The following PANK1 variants were observed in gnomAD, a reference collection of about 807,000 sequenced individuals.
PANK1 encodes the protein pantothenate kinase 1, also known as pantothenic acid kinase 1.
In PANK1, 18 loss-of-function variants were observed where a neutral mutation model predicts 40.1. That is an observed-to-expected ratio of 0.45 (90% confidence interval 0.31 to 0.67). The LOEUF (loss-of-function observed/expected upper bound fraction) is 0.67. PANK1 is among the 30% of genes least tolerant of loss of function. The pLI, the probability that PANK1 is intolerant of heterozygous loss-of-function variation, is 0.06. For synonymous variants in PANK1, 242 were observed against 237.7 expected (o/e 1.02, Z -0.17); for missense variants, 457 against 599.6 (o/e 0.76, Z 2.48).
chr10:89,600,961 A>C (rs1001806125), intron 2 of PANK1, among the ~76,000 whole-genome samples: 1 of 152,198 alleles, frequency 6.6e-6, no homozygotes, highest in South Asian at 2.1e-4. Context: ...CTAAAACCCT[A>C]AAAGTTGGTA....
intron 1 of PANK1, among the ~76,000 whole-genome samples, chr10:89,632,095 A>G (rs1411132859): frequency 2.6e-5 from 4 of 152,152 alleles, no homozygotes; most frequent in Admixed American, 2.6e-4. Flanking sequence ...TTTGATAATT[A>G]TAGAAGCTGA....
intron 3 of PANK1, among the ~76,000 whole-genome samples, chr10:89,597,711 T>C (rs1302281687): frequency 6.6e-6 from 1 of 152,222 alleles, no homozygotes; most frequent in Non-Finnish European, 1.5e-5. Context: ...TATAGCTTGC[T>C]GTTACCTTGG....
At chr10:89,587,113 ACT>A (rs1460849173) in intron 6 of PANK1, among the ~76,000 whole-genome samples, 2 of 150,320 alleles carry the variant, frequency 1.3e-5, no homozygotes, top group Non-Finnish European at 3.0e-5. Flanking sequence ...ACAGAGGGAG[ACT>A]CTGTCTCAAA....
downstream of PANK1, chr10:89,582,198 A>C (rs1179092802): frequency 6.6e-6 from 1 of 152,188 alleles, no homozygotes; most frequent in African/African-American, 2.4e-5. Context: ...CTGGACCCAG[A>C]CTGAAGCTGC....
At chr10:89,636,503 G>A (rs991716594) in intron 1 of PANK1, among the ~76,000 whole-genome samples, 1 of 152,052 alleles carries the variant, frequency 6.6e-6, no homozygotes, top group Non-Finnish European at 1.5e-5. Context: ...CCAGGCTGGA[G>A]TGCAGTGGTG....
At chr10:89,634,168 G>A (rs1275632832) in intron 1 of PANK1, among the ~76,000 whole-genome samples, 13 of 152,264 alleles carry the variant, frequency 8.5e-5, no homozygotes, top group Middle Eastern at 6.8e-3. Context: ...AACATTTATT[G>A]AGTGCTTACA....
At chr10:89,588,439 T>A (rs1273313624) in intron 6 of PANK1, among the ~76,000 whole-genome samples, 3 of 152,180 alleles carry the variant, frequency 2.0e-5, no homozygotes, top group Non-Finnish European at 2.9e-5. Context: ...AGTGACTTTT[T>A]AAAAAATTAA....
chr10:89,605,099 A>C (rs1180215557), intron 2 of PANK1, among the ~76,000 whole-genome samples: 2 of 152,066 alleles, frequency 1.3e-5, no homozygotes, highest in Non-Finnish European at 2.9e-5. Context: ...GAATTTTAAA[A>C]TATATTTATT....
chr10:89,602,813 G>C (rs1249407944), intron 2 of PANK1, among the ~76,000 whole-genome samples: 2 of 152,146 alleles, frequency 1.3e-5, no homozygotes, highest in Non-Finnish European at 2.9e-5. Context: ...TTCACCTGCT[G>C]TCCACTGTTG....
At chr10:89,622,270 C>T (rs1845508521) in intron 1 of PANK1, among the ~76,000 whole-genome samples, 1 of 152,166 alleles carries the variant, frequency 6.6e-6, no homozygotes, top group African/African-American at 2.4e-5. Flanking sequence ...TTGAACATTA[C>T]TCTATGAAAA....
intron 2 of PANK1, among the ~76,000 whole-genome samples, chr10:89,607,444 T>A (rs541468679): frequency 6.6e-6 from 1 of 152,112 alleles, no homozygotes; most frequent in Non-Finnish European, 1.5e-5. Flanking sequence ...ACAGATACAA[T>A]AATAATTAAA....
downstream of PANK1, chr10:89,580,556 C>T (rs1260527002): frequency 6.6e-6 from 1 of 152,344 alleles, no homozygotes; most frequent in Non-Finnish European, 1.5e-5. Flanking sequence ...TTCTGCTCAC[C>T]CAGCTCCCTC....
chr10:89,610,804 C>G (rs906731778), intron 2 of PANK1, among the ~76,000 whole-genome samples: 5 of 152,168 alleles, frequency 3.3e-5, no homozygotes, highest in African/African-American at 9.7e-5. Flanking sequence ...AATCTCCCAA[C>G]CCTTCCTTCT....
intron 1 of PANK1, among the ~76,000 whole-genome samples, chr10:89,637,100 C>T (rs1291046577): frequency 6.6e-6 from 1 of 151,772 alleles, no homozygotes; most frequent in African/African-American, 2.4e-5. Context: ...CCTTCTGATC[C>T]ACCAGCCTCG....
chr10:89,612,156 T>C, intron 1 of PANK1, 108 bp from the exon 2 acceptor site: 2 of 881,040 alleles, frequency 2.3e-6, no homozygotes, highest in Non-Finnish European at 3.4e-6. Context: ...TACATGTGCA[T>C]TTAACATTCA....
At chr10:89,594,480 G>T (rs1369279730) in intron 3 of PANK1, among the ~76,000 whole-genome samples, 1 of 152,192 alleles carries the variant, frequency 6.6e-6, no homozygotes, top group Non-Finnish European at 1.5e-5. Context: ...TGACAAAACT[G>T]ACCCAGGATT....
intron 1 of PANK1, among the ~76,000 whole-genome samples, chr10:89,619,491 G>A (rs1288911804): frequency 1.3e-5 from 2 of 152,196 alleles, no homozygotes; most frequent in Non-Finnish European, 2.9e-5. Context: ...TAAACTAAAT[G>A]TAAAATCTGA....
chr10:89,608,457 C>G (rs1845047136), intron 2 of PANK1, among the ~76,000 whole-genome samples: 1 of 152,166 alleles, frequency 6.6e-6, no homozygotes, highest in Admixed American at 6.5e-5. Flanking sequence ...GTATTCTACA[C>G]AGGTCTAATT....
At chr10:89,643,683 T>G in intron 1 of PANK1, 1 of 1,598,844 alleles carries the variant, frequency 6.3e-7, no homozygotes, top group South Asian at 1.1e-5. Context: ...TTTATTAGCA[T>G]TTACTGTACT....
Sources: allele counts gnomAD v4.1 joint callset (sites outside exome capture counted in the v4.1 genomes callset), GRCh38; gene constraint gnomAD v4.1.1; transcripts MANE v1.5; gene names NCBI Gene and HGNC (gene_info 2026-07-23, HGNC 2026-07-21).